KIF6: variants seen among roughly 807,000 people sequenced by gnomAD.
KIF6 encodes the protein kinesin family member 6.
A neutral mutation model predicts 112.7 loss-of-function variants in KIF6; 106 were observed. That is an observed-to-expected ratio of 0.94 (90% CI 0.80 to 1.11). The LOEUF is 1.11. Among genes scored for constraint, KIF6 ranks in the 50% least tolerant of loss-of-function variants. KIF6 has a pLI of 0.00. For missense variants in KIF6, 929 were observed against 964.0 expected (o/e 0.96, Z 0.48); for synonymous variants, 339 against 339.9 (o/e 1.00, Z 0.03).
intron 13 of KIF6, among the ~76,000 whole-genome samples, chr6:39,460,787 C>A (rs1773429344): frequency 6.6e-6 from 1 of 152,138 alleles, no homozygotes. Flanking sequence ...ATAGAAAGTG[C>A]AAACTCTAGC....
At chr6:39,551,215 T>C (rs1561801888) in intron 10 of KIF6, among the ~76,000 whole-genome samples, 1 of 152,188 alleles carries the variant, frequency 6.6e-6, no homozygotes, top group East Asian at 1.9e-4. Flanking sequence ...ATGGAGGATA[T>C]TATGTTAAGT....
chr6:39,574,011 T>C (rs1313015193), intron 10 of KIF6, among the ~76,000 whole-genome samples: 1 of 152,200 alleles, frequency 6.6e-6, no homozygotes, highest in East Asian at 1.9e-4. Flanking sequence ...GTCTATAGGA[T>C]CTGTTGAGGT....
intron 13 of KIF6, among the ~76,000 whole-genome samples, chr6:39,496,283 G>C (rs989213743): frequency 6.6e-6 from 1 of 152,184 alleles, no homozygotes; most frequent in African/African-American, 2.4e-5. Context: ...GATGTCAACA[G>C]GGGAGGCAGA....
intron 3 of KIF6, among the ~76,000 whole-genome samples, chr6:39,694,664 T>A (rs556932998): frequency 6.6e-6 from 1 of 152,114 alleles, no homozygotes; most frequent in African/African-American, 2.4e-5. Context: ...AAAGAAATCA[T>A]AGGTGATACA....
rs1768654197 is a variant in KIF6, at chr6:39,400,953, TAACGTC to T, written c.1811-15287_1811-15282del. 2.0e-5 allele frequency among the ~76,000 whole-genome samples: 3 copies of T among 152,366 alleles called. No homozygotes were observed. In the South Asian group the frequency reaches 6.2e-4, roughly 32 times the overall value. ...AAGGATTGATTACATGTCAGCTGAC[TAACGTC>T]AACAGTCCTTTGTGGGTTGGTATTT... On this transcript the variant is annotated intron_variant, in intron 15 of 22. Transcript: ENST00000287152.
chr6:39,537,555 T>C (rs373005911), intron 13 of KIF6, among the ~76,000 whole-genome samples: 99 of 151,396 alleles, frequency 6.5e-4, no homozygotes, highest in Middle Eastern at 6.8e-3. Flanking sequence ...CACTGCTCAA[T>C]GAAATAAAAG....
chr6:39,539,816 A>G (rs575227525), intron 13 of KIF6, among the ~76,000 whole-genome samples, 187 bp downstream of exon 13: 44 of 152,282 alleles, frequency 2.9e-4, no homozygotes, highest in Non-Finnish European at 5.9e-4. Flanking sequence ...GAGAAAATTC[A>G]TAGTTGGTTC....
chr6:39,435,528 C>G (rs1231673631), intron 13 of KIF6, among the ~76,000 whole-genome samples: 1 of 151,830 alleles, frequency 6.6e-6, no homozygotes, highest in African/African-American at 2.4e-5. Flanking sequence ...CCCTCACCCC[C>G]CAAACCTCCC....
chr6:39,698,526 A>G (rs1016612503), intron 3 of KIF6, among the ~76,000 whole-genome samples: 1 of 152,256 alleles, frequency 6.6e-6, no homozygotes, highest in Non-Finnish European at 1.5e-5. Flanking sequence ...CGACAGAGCC[A>G]TAGATGAAGA....
chr6:39,496,013 TGAG>T (rs1775761386), intron 13 of KIF6, among the ~76,000 whole-genome samples: 1 of 152,240 alleles, frequency 6.6e-6, no homozygotes, highest in African/African-American at 2.4e-5. Context: ...TGGAGAAACT[TGAG>T]CTACATCTTC....
intron 5 of KIF6, among the ~76,000 whole-genome samples, chr6:39,628,466 A>G (rs1047136443): frequency 2.6e-5 from 4 of 152,116 alleles, no homozygotes; most frequent in Non-Finnish European, 5.9e-5. Flanking sequence ...GTGAAGACAC[A>G]GAACACTGCA....
intron 3 of KIF6, among the ~76,000 whole-genome samples, chr6:39,710,219 C>A (rs1203861305): frequency 6.6e-6 from 1 of 152,144 alleles, no homozygotes; most frequent in African/African-American, 2.4e-5. Context: ...ACTCCTAGCA[C>A]CCTGGAGGAA....
intron 5 of KIF6, among the ~76,000 whole-genome samples, chr6:39,630,711 T>C (rs1401847766): frequency 6.6e-6 from 1 of 152,032 alleles, no homozygotes; most frequent in South Asian, 2.1e-4. Flanking sequence ...CAGTACAATG[T>C]TGAATTAGAG....
At chr6:39,613,056 A>G (rs1264062273) in intron 6 of KIF6, 133 bp downstream of exon 6, 2 of 595,774 alleles carry the variant, frequency 3.4e-6, no homozygotes, top group Non-Finnish European at 5.0e-6. Flanking sequence ...TCTGCATGTG[A>G]GGTTTGGACG....
At chr6:39,354,138 T>C (rs1764463239) in intron 19 of KIF6, 2 of 353,312 alleles carry the variant, frequency 5.7e-6, no homozygotes, top group Middle Eastern at 7.3e-4. Context: ...AAGGCATGGC[T>C]AGCATGTGAC....
At chr6:39,486,567 T>C (rs1201975829) in intron 13 of KIF6, among the ~76,000 whole-genome samples, 1 of 152,266 alleles carries the variant, frequency 6.6e-6, no homozygotes, top group Non-Finnish European at 1.5e-5. Flanking sequence ...TAGTTTGTTA[T>C]GCAATTATAC....
At chr6:39,705,669 C>T (rs941412465) in intron 3 of KIF6, among the ~76,000 whole-genome samples, 1 of 152,168 alleles carries the variant, frequency 6.6e-6, no homozygotes, top group African/African-American at 2.4e-5. Flanking sequence ...ATGATGTGAA[C>T]ACCCCAGAAG....
intron 14 of KIF6, among the ~76,000 whole-genome samples, chr6:39,425,900 T>G (rs1770731047): frequency 6.6e-6 from 1 of 152,076 alleles, no homozygotes; most frequent in South Asian, 2.1e-4. Context: ...TGCCACACGG[T>G]TTCTCTCCAC....
chr6:39,368,615 C>T (rs958578590), intron 16 of KIF6, among the ~76,000 whole-genome samples: 3 of 152,168 alleles, frequency 2.0e-5, no homozygotes, highest in African/African-American at 7.2e-5. Flanking sequence ...TGAAGTCTGC[C>T]CTTTAATAAC....
Sources: allele counts gnomAD v4.1 joint callset (sites outside exome capture counted in the v4.1 genomes callset), GRCh38; gene constraint gnomAD v4.1.1; transcripts MANE v1.5; gene names NCBI Gene and HGNC (gene_info 2026-07-23, HGNC 2026-07-21).